Variants in MYO3A observed in about 807,000 individuals in gnomAD.
The protein encoded by MYO3A is myosin IIIA.
MYO3A carries 180 observed loss-of-function variants against 192.7 expected under a neutral mutation model. That is an observed-to-expected ratio of 0.93 (90% CI 0.83 to 1.06). The LOEUF (loss-of-function observed/expected upper bound fraction) is 1.06. Among genes scored for constraint, MYO3A ranks in the 50% least tolerant of loss-of-function variants. MYO3A has a pLI of 0.00. For synonymous variants in MYO3A, 628 were observed against 645.3 expected (o/e 0.97, Z 0.41); for missense variants, 1,896 against 1,905.0 (o/e 1.00, Z 0.09).
In MYO3A at chr10:26,023,895, G is replaced by A. The variant is rs1339814; in HGVS notation, c.732-127G>A. Reference sequence around the variant, plus strand: ...GTAATGATTTATCTGTCTTGGAATTGGGAAAAGATGGAATCCTTGATTACA... The same window carrying A: ...GTAATGATTTATCTGTCTTGGAATTAGGAAAAGATGGAATCCTTGATTACA... On this transcript the variant is annotated intron_variant, in intron 8 of 34. Transcript: ENST00000642920. 0.34 allele frequency: 281,552 copies of A among 835,192 alleles called. 48,651 individuals are homozygous for A. The highest frequency in any genetic ancestry group is 0.45 in the Middle Eastern group (1,972 of 4,422). 51.7% of individuals were successfully genotyped at this position (835,192 alleles called of 1,614,324 possible). A position where few individuals can be genotyped will look rare whatever the true frequency, so the allele number is the denominator to read the frequency against.
At chr10:26,093,043 T>A (rs1374227094) in intron 15 of MYO3A, among the ~76,000 whole-genome samples, 3 of 152,238 alleles carry the variant, frequency 2.0e-5, no homozygotes, top group South Asian at 2.1e-4. Flanking sequence ...TTAATATTGT[T>A]TGTCTAAGTT....
chr10:25,937,420 C>G (rs1836160249), intron 2 of MYO3A, among the ~76,000 whole-genome samples: 1 of 152,236 alleles, frequency 6.6e-6, no homozygotes, highest in African/African-American at 2.4e-5. Context: ...GCTTAACTGT[C>G]ATCCTTTGAA....
At chr10:26,035,515 A>C (rs1842983766) in intron 10 of MYO3A, among the ~76,000 whole-genome samples, 1 of 152,232 alleles carries the variant, frequency 6.6e-6, no homozygotes, top group Admixed American at 6.5e-5. Flanking sequence ...ACTTGTGCTA[A>C]ATACCTAGTT....
In MYO3A at chr10:26,070,349, G is replaced by A; in HGVS notation, c.1307G>A (p.Gly436Glu). The A allele has an allele frequency of 6.2e-7, 1 of 1,613,318 alleles. No individual in the cohort carries two copies. The highest frequency in any genetic ancestry group is 8.5e-7 in the Non-Finnish European group (1 of 1,179,484). The change falls in exon 14 of 35, where the codon GGA (glycine) becomes GAA (glutamate). Residue 436 changes from glycine (G) to glutamate (E), a missense_variant. Gly to Glu is a moderately conservative substitution (Grantham distance 98). Transcript: ENST00000642920. ...GTTATTTCTGGAGAAAGTGGTGCTG[G>A]AAAGACTGAAAATGCTCATCTTTTA... ...CIVISGESGA[G>E]KTENAHLLVQ...
chr10:26,201,292 C>A lies in MYO3A; in HGVS notation c.4573C>A (p.Pro1525Thr). 2 of 1,580,502 alleles carry A rather than the reference C, an allele frequency of 1.3e-6. No homozygotes were observed. Among genetic ancestry groups the A allele is most frequent in the Non-Finnish European group, 1.7e-6 (2 of 1,155,134 alleles). Residue 1525 changes from proline to threonine, a missense_variant, in exon 33 of 35, where the codon CCA (proline) becomes ACA (threonine). Pro to Thr is a conservative substitution (Grantham distance 38, BLOSUM62 -1). Transcript: ENST00000642920. The part of the protein sequence containing the change: ...HKSIQEEKRR[P>T]RKDSQGKLLD... Reference sequence around the variant, plus strand: ...GTCAATCCAAGAAGAAAAACGAAGACCAAGGAAAGACAGGTAATTATTACT... The same window carrying A: ...GTCAATCCAAGAAGAAAAACGAAGAACAAGGAAAGACAGGTAATTATTACT...
chr10:25,963,762 C>A (rs116467481), intron 4 of MYO3A, among the ~76,000 whole-genome samples: 1 of 152,230 alleles, frequency 6.6e-6, no homozygotes, highest in Non-Finnish European at 1.5e-5. Context: ...AGCCAATTAC[C>A]TAGAGTTGTT....
chr10:26,186,901 T>A (rs1470199047), intron 31 of MYO3A, among the ~76,000 whole-genome samples: 3 of 152,228 alleles, frequency 2.0e-5, no homozygotes, highest in Non-Finnish European at 4.4e-5. Context: ...ATGTCTTATC[T>A]TTTTTATGAC....
rs1286709487 is a variant in MYO3A at position 26,143,553 on chromosome 10, C to G, written c.2368C>G (p.Leu790Val). ...LQKPMGLLSLLDEESRFPKAT... is the reference protein window; with the variant it reads ...LQKPMGLLSLVDEESRFPKAT... ...AAAGCCAATGGGTTTACTTTCCCTA[C>G]TTGATGAAGAAAGTAGATTTCCCAA... The change falls in exon 21 of 35, where the codon CTT (leucine) becomes GTT (valine). Residue 790 changes from leucine (L) to valine (V), a missense_variant. By Grantham distance (32) the Leu-to-Val change is conservative. Transcript: ENST00000642920. 1 of 1,614,042 alleles carries G rather than the reference C, an allele frequency of 6.2e-7. No homozygotes were observed. The highest frequency in any genetic ancestry group is 8.5e-7 in the Non-Finnish European group (1 of 1,179,962).
intron 28 of MYO3A, among the ~76,000 whole-genome samples, chr10:26,169,407 C>T (rs1841930682): frequency 6.6e-6 from 1 of 152,082 alleles, no homozygotes; most frequent in Non-Finnish European, 1.5e-5. Flanking sequence ...TTAGATAGAG[C>T]TTGTCACAGC....
chr10:26,135,782 A>G (rs889612028), intron 20 of MYO3A, among the ~76,000 whole-genome samples: 3 of 151,952 alleles, frequency 2.0e-5, no homozygotes, highest in African/African-American at 7.3e-5. Context: ...CCTGGCCAAC[A>G]TGGCGACACC....
In MYO3A at chr10:26,175,082, GC is replaced by G. The variant is rs1320120472; in HGVS notation, c.4293+526del. 4.6e-5 allele frequency among the ~76,000 whole-genome samples: 7 copies of G among 152,156 alleles called. No individual in the cohort carries two copies. The East Asian group carries it at 1.3e-3, about 29-fold the overall frequency. ...AAATAAGGAATCACAAAGAAAAAAC[GC>G]AGAGAAAAGTTCCCTCCTGGAGAAT... On this transcript the variant is annotated intron_variant, in intron 30 of 34. Transcript: ENST00000642920.
At chr10:26,150,064 C>T (rs1840710348) in intron 23 of MYO3A, among the ~76,000 whole-genome samples, 2 of 143,136 alleles carry the variant, frequency 1.4e-5, no homozygotes, top group African/African-American at 5.2e-5. Flanking sequence ...GTGTAGACAC[C>T]ACATTTTCTT....
chr10:25,984,423 G>T (rs983983955), intron 4 of MYO3A, among the ~76,000 whole-genome samples: 1 of 152,028 alleles, frequency 6.6e-6, no homozygotes, highest in Non-Finnish European at 1.5e-5. Flanking sequence ...CAGGTTTTTC[G>T]CAGGCTACAT....
At chr10:26,165,966 AT>A in intron 26 of MYO3A, 100 bp from the exon 27 acceptor site, 1 of 964,552 alleles carries the variant, frequency 1.0e-6, no homozygotes. Flanking sequence ...AAGTCTGGGC[AT>A]CTCTTCCTCA....
At chr10:26,191,375 C>T (rs1353326136) in intron 31 of MYO3A, among the ~76,000 whole-genome samples, 1 of 152,152 alleles carries the variant, frequency 6.6e-6, no homozygotes, top group Non-Finnish European at 1.5e-5. Flanking sequence ...ATTTGGACTC[C>T]CTCCACCTCC....
intron 10 of MYO3A, among the ~76,000 whole-genome samples, chr10:26,053,093 A>G (rs1844101534): frequency 6.6e-6 from 1 of 152,210 alleles, no homozygotes; most frequent in South Asian, 2.1e-4. Flanking sequence ...ACAAGAATGG[A>G]AAGAGTGGGA....
intron 14 of MYO3A, among the ~76,000 whole-genome samples, chr10:26,084,798 G>A (rs1836202704): frequency 6.6e-6 from 1 of 152,198 alleles, no homozygotes; most frequent in Non-Finnish European, 1.5e-5. Flanking sequence ...GCCACACTAT[G>A]CCTGGCCTAG....
intron 8 of MYO3A, 195 bp downstream of exon 8, chr10:26,021,843 A>C: frequency 1.5e-6 from 1 of 688,674 alleles, no homozygotes; most frequent in Non-Finnish European, 2.4e-6. Flanking sequence ...TCTAAGTAAA[A>C]GAGCTTTCTC....
Position 26,174,315 on chromosome 10 carries a change from G to A in MYO3A, c.4051G>A (p.Val1351Ile). 3 of 1,614,160 alleles carry A rather than the reference G, an allele frequency of 1.9e-6. No individual in the cohort carries two copies. Among genetic ancestry groups the A allele is most frequent in the South Asian group, 2.2e-5 (2 of 91,076 alleles). ...CCAGGAGGAAGAAGATAAAGCAGCGGTATTCATTCAGAGCAAATACCGGGG... is the reference window on the plus strand; with the variant it reads ...CCAGGAGGAAGAAGATAAAGCAGCGATATTCATTCAGAGCAAATACCGGGG... ...QAQEEEDKAA[V>I]FIQSKYRGYK... is the part of the protein sequence containing the mutation. The change falls in exon 30 of 35, where the codon GTA becomes ATA. Residue 1351 changes from valine (V) to isoleucine (I), a missense_variant. Transcript: ENST00000642920.
Sources: gnomAD v4.1 joint callset for allele counts (sites outside exome capture counted in the v4.1 genomes callset) on GRCh38, gnomAD v4.1.1 for gene constraint, MANE v1.5 for transcripts, NCBI Gene and HGNC (gene_info 2026-07-23, HGNC 2026-07-21) for gene names.